The following LCP2 variants were observed in gnomAD, a reference collection of about 807,000 sequenced individuals.
LCP2 encodes lymphocyte cytosolic protein 2.
Under a neutral mutation model 74.5 loss-of-function variants are expected in LCP2, and 29 were observed. The ratio of observed to expected loss-of-function variants is 0.39; its 90% CI spans 0.29 to 0.53. The LOEUF (loss-of-function observed/expected upper bound fraction) is 0.53. Among genes scored for constraint, LCP2 ranks in the 20% least tolerant of loss-of-function variants. The probability of loss-of-function intolerance (pLI) is 0.72; values close to 1 mark genes in which losing one functional copy is unlikely to be tolerated. For synonymous variants in LCP2, 228 were observed against 229.5 expected, an observed-to-expected ratio of 0.99 and a Z score of 0.06; for missense variants, 604 against 634.6, an observed-to-expected ratio of 0.95 and a Z score of 0.52.
intron 6 of LCP2, among the ~76,000 whole-genome samples, chr5:170,272,597 C>CTTTTTT (rs61463939): frequency 0.032 from 1,304 of 40,360 alleles, 356 homozygotes; most frequent in Middle Eastern, 0.077. Flanking sequence ...CAAATATTTT[C>CTTTTTT]TTTTTTTTTT....
chr5:170,262,379 C>A (rs1338229425), intron 13 of LCP2, among the ~76,000 whole-genome samples: 2 of 152,164 alleles, frequency 1.3e-5, no homozygotes, highest in African/African-American at 4.8e-5. Context: ...ACTGGAATCT[C>A]TAAAAACAGC....
rs940893309 is a variant in LCP2 at position 170,256,451 on chromosome 5, C to G, written c.1150+75G>C. The stretch of plus-strand genomic sequence containing the variant: ...GAAACAATAAAACCTTTGTCGAAAG[C>G]TTTTGGGACAGGTTAGGGATCCAGT... On this transcript the variant is annotated intron_variant, in intron 17 of 20. Coordinates refer to ENST00000046794, the MANE Select transcript of LCP2 (RefSeq NM_005565.5). The surrounding 1 kb of genome is among the most constrained non-coding windows in gnomAD (Gnocchi z 4.5). 8.4e-7 allele frequency: 1 copy of G among 1,187,000 alleles called. No homozygotes were observed. The highest frequency in any genetic ancestry group is 1.3e-6 in the Non-Finnish European group (1 of 793,264). 73.5% of individuals were successfully genotyped at this position (1,187,000 alleles called of 1,614,324 possible).
chr5:170,280,569 G>A (rs1762083155), intron 3 of LCP2, among the ~76,000 whole-genome samples: 1 of 152,156 alleles, frequency 6.6e-6, no homozygotes, highest in South Asian at 2.1e-4. Context: ...TGTAAGAGTA[G>A]GACATAATAA....
intron 3 of LCP2, among the ~76,000 whole-genome samples, chr5:170,285,772 T>A (rs996945644): frequency 2.6e-5 from 4 of 152,182 alleles, no homozygotes; most frequent in African/African-American, 9.7e-5. Context: ...CTTTCATGCA[T>A]GGACTGATCT....
chr5:170,276,237 C>T (rs1384542553), intron 3 of LCP2, among the ~76,000 whole-genome samples: 1 of 152,182 alleles, frequency 6.6e-6, no homozygotes, highest in East Asian at 1.9e-4. Flanking sequence ...TCTTACTATT[C>T]CTGGGGCTGA....
At chr5:170,250,963 C>T in intron 19 of LCP2, 78 bp from the exon 20 acceptor site, 1 of 1,122,812 alleles carries the variant, frequency 8.9e-7, no homozygotes, top group Non-Finnish European at 1.3e-6. Flanking sequence ...GTAGACAAGC[C>T]TCTAGGGATC....
chr5:170,284,670 G>T (rs143257212), intron 3 of LCP2, among the ~76,000 whole-genome samples: 1 of 151,198 alleles, frequency 6.6e-6, no homozygotes, highest in African/African-American at 2.4e-5. Context: ...CTCCTTCCCC[G>T]CTCACATACA....
intron 10 of LCP2, among the ~76,000 whole-genome samples, chr5:170,266,255 CATACCTAAA>C (rs1267593710): frequency 6.6e-6 from 1 of 152,190 alleles, no homozygotes; most frequent in Non-Finnish European, 1.5e-5. Flanking sequence ...TGGTCAATTG[CATACCTAAA>C]ACAAAAACAT....
At chr5:170,290,974 A>C (rs901706204) in intron 2 of LCP2, among the ~76,000 whole-genome samples, 1 of 91,850 alleles carries the variant, frequency 1.1e-5, no homozygotes, top group African/African-American at 4.4e-5. Flanking sequence ...GAAAGAAAGA[A>C]AGAAAGAAAG....
chr5:170,274,079 G>C (rs1256574927), intron 6 of LCP2: 1 of 568,308 alleles, frequency 1.8e-6, no homozygotes, highest in Non-Finnish European at 3.2e-6. Flanking sequence ...CTGCTTTTGT[G>C]CTCCAGTAGC....
chr5:170,259,361 C>G (rs557626697), intron 14 of LCP2, among the ~76,000 whole-genome samples: 1 of 152,280 alleles, frequency 6.6e-6, no homozygotes, highest in Non-Finnish European at 1.5e-5. Flanking sequence ...CTTTTTGGCT[C>G]TCTTTTGCAA....
In LCP2 at chr5:170,248,161, G is replaced by C. The variant is rs10039796; in HGVS notation, c.*536C>G. On this transcript the variant is annotated 3_prime_UTR_variant, in exon 21 of 21. Coordinates refer to ENST00000046794, the MANE Select transcript of LCP2 (RefSeq NM_005565.5). ...TTTCATAAAAAAATTACGTAAAAAT[G>C]CCCCCAGGAAAAAATACTAAATAAG... The C allele has an allele frequency of 0.47, 71,538 of 152,260 alleles. 17,066 individuals carry two copies. The highest frequency in any genetic ancestry group is 0.52 in the South Asian group (2,491 of 4,830). The allele number at this position is 152,260 out of a possible 1,614,324, so 9.4% of individuals were successfully genotyped here.
chr5:170,267,622 G>A (rs1761793563), intron 8 of LCP2, among the ~76,000 whole-genome samples: 1 of 135,962 alleles, frequency 7.4e-6, no homozygotes, highest in Admixed American at 8.0e-5. Context: ...TCCGTCCCCC[G>A]AACCACACAT....
intron 3 of LCP2, among the ~76,000 whole-genome samples, chr5:170,276,606 T>C (rs1351968883): frequency 6.6e-6 from 1 of 152,046 alleles, no homozygotes; most frequent in East Asian, 1.9e-4. Flanking sequence ...AGGATGGAGC[T>C]GGGGGAGCTG....
At chr5:170,280,976 T>C (rs961792512) in intron 3 of LCP2, among the ~76,000 whole-genome samples, 1 of 152,092 alleles carries the variant, frequency 6.6e-6, no homozygotes, top group South Asian at 2.1e-4. Context: ...TGCACTCCAG[T>C]CTGGGCAACA....
At position 170,270,765 on chromosome 5, in the gene LCP2, G is replaced by C. The variant is rs1179342572; in HGVS notation, c.477C>G (p.Ser159=). The change falls in exon 7 of 21, where the codon TCC becomes TCG. Residue 159 remains serine (S), a synonymous_variant. Transcript: ENST00000046794. ...TGGGGAAAGGCTTGGCAGGCAGGAT[G>C]GAGTTCTGCAGAGCTTCCTCGTCAT... The part of the protein sequence containing the change: ...PSNDEEALQN[S]ILPAKPFPNS... The C allele has an allele frequency of 6.3e-7, 1 of 1,596,386 alleles. No homozygotes were observed. The highest frequency in any genetic ancestry group is 1.4e-5 in the African/African-American group (1 of 73,824).
intron 3 of LCP2, among the ~76,000 whole-genome samples, chr5:170,280,620 C>T (rs1762083906): frequency 6.6e-6 from 1 of 152,172 alleles, no homozygotes; most frequent in Admixed American, 6.5e-5. Flanking sequence ...ACCCATGTCC[C>T]CTACCCCTGT....
chr5:170,249,301 C>G (rs149382352), intron 20 of LCP2, among the ~76,000 whole-genome samples: 20 of 150,282 alleles, frequency 1.3e-4, no homozygotes, highest in Admixed American at 1.3e-3. Context: ...GCACTCCAGC[C>G]TGGGTAACAA....
intron 3 of LCP2, among the ~76,000 whole-genome samples, chr5:170,284,456 CT>C (rs35804432): frequency 0.61 from 88,424 of 145,642 alleles, 27,042 homozygotes; most frequent in African/African-American, 0.75. Context: ...TGTAATATGT[CT>C]TTTTTTTTTT....
Sources: allele counts gnomAD v4.1 joint callset (sites outside exome capture counted in the v4.1 genomes callset), GRCh38; gene constraint gnomAD v4.1.1; non-coding constraint Gnocchi (gnomAD v3.1); transcripts MANE v1.5; gene names NCBI Gene and HGNC (gene_info 2026-07-23, HGNC 2026-07-21).